Variants in ZCWPW2 observed in about 807,000 individuals in gnomAD.
ZCWPW2 encodes zinc finger CW-type and PWWP domain containing 2.
In ZCWPW2, 45 loss-of-function variants were observed where a neutral mutation model predicts 46.6. The observed-to-expected ratio is 0.96, with a 90% CI of 0.76 to 1.24. The LOEUF (loss-of-function observed/expected upper bound fraction) is 1.24, where lower values mean the gene tolerates loss of function less well. ZCWPW2 is among the 50% of genes most tolerant of loss of function. The pLI is 0.00. For synonymous variants in ZCWPW2, 152 were observed against 137.1 expected, an observed-to-expected ratio of 1.11 and a Z score of -0.76; for missense variants, 429 against 403.9, an observed-to-expected ratio of 1.06 and a Z score of -0.53.
At chr3:28,394,275 TAAAC>T (rs764823065) in intron 2 of ZCWPW2, among the ~76,000 whole-genome samples, 29 of 151,906 alleles carry the variant, frequency 1.9e-4, no homozygotes, top group Non-Finnish European at 3.8e-4. Flanking sequence ...AATTGAAAAA[TAAAC>T]AAATGGGAAG....
chr3:28,360,129 T>C (rs1032614087), intron 1 of ZCWPW2, among the ~76,000 whole-genome samples: 1 of 151,830 alleles, frequency 6.6e-6, no homozygotes, highest in Admixed American at 6.6e-5. Flanking sequence ...TAATAATGTA[T>C]ACATTAATGT....
intron 1 of ZCWPW2, among the ~76,000 whole-genome samples, chr3:28,356,613 A>G (rs746633040): frequency 6.6e-5 from 10 of 152,234 alleles, no homozygotes; most frequent in Non-Finnish European, 1.2e-4. Context: ...CCAAATGTCC[A>G]TCAGTGATAA....
In ZCWPW2 at chr3:28,367,887, T is replaced by A. The variant is rs536514518; in HGVS notation, c.-134+18684T>A. Among the ~76,000 whole-genome samples, 13 of 152,308 alleles carry A rather than the reference T, an allele frequency of 8.5e-5. No homozygotes were observed. The East Asian group carries it at 2.5e-3, about 29-fold the overall frequency. On this transcript the variant is annotated intron_variant, in intron 1 of 9. Coordinates refer to ENST00000383768, the MANE Select transcript of ZCWPW2 (RefSeq NM_001040432.4). ...GTTCTTCTTGTTGAATTGATCCCTT[T>A]TACCATTATGTAATGGCCTCTTCGT...
chr3:28,432,753 A>G (rs1349036089), intron 3 of ZCWPW2, among the ~76,000 whole-genome samples: 1 of 152,190 alleles, frequency 6.6e-6, no homozygotes, highest in Non-Finnish European at 1.5e-5. Context: ...TAAGTATTTA[A>G]GAAATTGTAG....
chr3:28,422,652 G>A (rs962552274), intron 3 of ZCWPW2, among the ~76,000 whole-genome samples: 2 of 152,020 alleles, frequency 1.3e-5, no homozygotes, highest in Non-Finnish European at 2.9e-5. Flanking sequence ...CCAAGTTTTG[G>A]CAGTTATGAA....
chr3:28,393,881 C>A (rs1229056613), intron 2 of ZCWPW2, among the ~76,000 whole-genome samples: 1 of 151,984 alleles, frequency 6.6e-6, no homozygotes, highest in African/African-American at 2.4e-5. Flanking sequence ...ACAAGCATAC[C>A]CACTCTCACT....
chr3:28,493,122 TA>T lies in ZCWPW2; in HGVS notation c.657+950del, dbSNP rs1285470749. On this transcript the variant is annotated intron_variant, in intron 6 of 9. Coordinates refer to ENST00000383768, the MANE Select transcript of ZCWPW2 (RefSeq NM_001040432.4). ...TTTTTTTTTTTTTCTGGTTTATCTT[TA>T]TTTTTTTTTATTTTATTTTTTTTAA... 1.3e-3 allele frequency among the ~76,000 whole-genome samples: 162 copies of T among 125,456 alleles called. 1 individual carries two copies. Among genetic ancestry groups the T allele is most frequent in the African/African-American group, 4.6e-3 (153 of 33,342 alleles). 82.3% of individuals were successfully genotyped at this position (125,456 alleles called of 152,430 possible).
At chr3:28,513,743 T>C (rs1175724815) in intron 6 of ZCWPW2, among the ~76,000 whole-genome samples, 1 of 152,174 alleles carries the variant, frequency 6.6e-6, no homozygotes, top group Non-Finnish European at 1.5e-5. Flanking sequence ...TTTTTTTCTT[T>C]ATCTAAAGGT....
intron 2 of ZCWPW2, among the ~76,000 whole-genome samples, chr3:28,399,525 G>C (rs1224337099): frequency 6.6e-6 from 1 of 152,176 alleles, no homozygotes; most frequent in Non-Finnish European, 1.5e-5. Context: ...ACCTCCCAGA[G>C]TCCATTTCAT....
chr3:28,376,450 C>A (rs1705502220), intron 1 of ZCWPW2, among the ~76,000 whole-genome samples: 1 of 152,074 alleles, frequency 6.6e-6, no homozygotes, highest in South Asian at 2.1e-4. Context: ...GAGTTTCATT[C>A]TAGAGGTATG....
At chr3:28,421,492 G>T (rs979995566) in intron 3 of ZCWPW2, among the ~76,000 whole-genome samples, 3 of 152,076 alleles carry the variant, frequency 2.0e-5, no homozygotes, top group African/African-American at 7.2e-5. Flanking sequence ...CAGTTATTCT[G>T]TGTAAGTTTT....
chr3:28,355,093 T>G (rs1031664784), intron 1 of ZCWPW2, among the ~76,000 whole-genome samples: 3 of 152,002 alleles, frequency 2.0e-5, no homozygotes, highest in African/African-American at 7.3e-5. Context: ...TGATTGTATA[T>G]CTAGAAAACC....
chr3:28,390,449 G>T (rs1695441474), intron 1 of ZCWPW2, 49 bp from the exon 2 acceptor site: 2 of 969,842 alleles, frequency 2.1e-6, no homozygotes, highest in Non-Finnish European at 2.5e-6. Context: ...TTAAAAATGT[G>T]GGTATTATAT....
At chr3:28,435,517 G>A (rs1326061593) in intron 4 of ZCWPW2, among the ~76,000 whole-genome samples, 15 of 134,524 alleles carry the variant, frequency 1.1e-4, no homozygotes, top group African/African-American at 3.1e-4. Flanking sequence ...ACAGAGTCTC[G>A]CTCTGTCACC....
chr3:28,443,986 C>A (rs908806109), intron 4 of ZCWPW2, among the ~76,000 whole-genome samples: 1 of 152,130 alleles, frequency 6.6e-6, no homozygotes, highest in South Asian at 2.1e-4. Context: ...TCACAATGAA[C>A]CATCTTTTAA....
intron 3 of ZCWPW2, among the ~76,000 whole-genome samples, chr3:28,421,891 A>G (rs1400939327): frequency 7.3e-6 from 1 of 136,234 alleles, no homozygotes; most frequent in Admixed American, 7.9e-5. Context: ...GCTTCTTTTC[A>G]CCTAATTCAA....
intron 2 of ZCWPW2, among the ~76,000 whole-genome samples, chr3:28,407,854 G>C (rs1407502608): frequency 6.6e-6 from 1 of 152,098 alleles, no homozygotes; most frequent in Non-Finnish European, 1.5e-5. Context: ...GTCTACTTAG[G>C]TATGATTATA....
rs374756161 is a variant in ZCWPW2 at position 28,413,268 on chromosome 3, G to C, written c.200G>C (p.Arg67Thr). 1.9e-5 allele frequency: 30 copies of C among 1,613,264 alleles called. No individual in the cohort carries two copies. Among genetic ancestry groups the C allele is most frequent in the Admixed American group, 3.3e-5 (2 of 59,890 alleles). ...TACTGCTTCATGAACACTGATTCAA[G>C]ATATAATAACTGCTCAATTTCTGAA... ...PWYCFMNTDSRYNNCSISEED... is the reference protein window; with the variant it reads ...PWYCFMNTDSTYNNCSISEED... Residue 67 changes from arginine (R) to threonine (T), a missense_variant, in exon 3 of 10, where the codon AGA becomes ACA. Transcript: ENST00000383768.
chr3:28,359,852 A>G (rs898259741), intron 1 of ZCWPW2, among the ~76,000 whole-genome samples: 21 of 152,102 alleles, frequency 1.4e-4, no homozygotes, highest in African/African-American at 5.1e-4. Flanking sequence ...TCTCTTGGCT[A>G]AACTTTTGAA....
Sources: allele counts gnomAD v4.1 joint callset (sites outside exome capture counted in the v4.1 genomes callset), GRCh38; gene constraint gnomAD v4.1.1; transcripts MANE v1.5; gene names NCBI Gene and HGNC (gene_info 2026-07-23, HGNC 2026-07-21).